The following IGFBP7 variants were observed in gnomAD, a reference collection of about 807,000 sequenced individuals.
The protein encoded by IGFBP7 is insulin-like growth factor-binding protein 7.
A neutral mutation model predicts 29.4 loss-of-function variants in IGFBP7; 31 were observed. That is an observed-to-expected ratio of 1.05 (90% CI 0.79 to 1.42). IGFBP7 has a LOEUF of 1.42. Among genes scored for constraint, IGFBP7 ranks in the 40% most tolerant of loss-of-function variants. The pLI, the probability that IGFBP7 is intolerant of heterozygous loss-of-function variation, is 0.00. For missense variants in IGFBP7, 393 were observed against 395.5 expected (o/e 0.99, Z 0.05); for synonymous variants, 172 against 174.9 (o/e 0.98, Z 0.13).
chr4:57,079,970 G>A (rs2109785161), intron 1 of IGFBP7, among the ~76,000 whole-genome samples: 1 of 152,260 alleles, frequency 6.6e-6, no homozygotes. Flanking sequence ...GGCTTTGAGA[G>A]GTTAAATAAC....
rs80202477 is a variant in IGFBP7 at position 57,070,793 on chromosome 4, T to G, written c.476-29860A>C. ...AACTGGCCGCAGGGGTAATGAGCAT[T>G]GGATACAAGGGATGTTCAGTGCATT... is the stretch of plus-strand genomic sequence containing the variant. On this transcript the variant is annotated intron_variant, in intron 1 of 4. Transcript: ENST00000295666. 3.3e-4 allele frequency among the ~76,000 whole-genome samples: 51 copies of G among 152,340 alleles called. No homozygotes were observed. In the East Asian group the frequency reaches 9.4e-3, roughly 28 times the overall value.
intron 1 of IGFBP7, among the ~76,000 whole-genome samples, chr4:57,051,347 G>T (rs1183124916): frequency 2.6e-5 from 4 of 152,200 alleles, no homozygotes; most frequent in African/African-American, 9.6e-5. Flanking sequence ...CGGTCTCAGG[G>T]GTACTGGCTG....
At chr4:57,108,616 A>G (rs1326475597) in intron 1 of IGFBP7, among the ~76,000 whole-genome samples, 1 of 151,480 alleles carries the variant, frequency 6.6e-6, no homozygotes, top group Non-Finnish European at 1.5e-5. Context: ...ATCTCGGCTC[A>G]CTGCAACCTC....
chr4:57,078,006 T>C (rs185636326), intron 1 of IGFBP7, among the ~76,000 whole-genome samples: 2 of 152,316 alleles, frequency 1.3e-5, no homozygotes, highest in Non-Finnish European at 2.9e-5. Flanking sequence ...TTTGTTTCCT[T>C]GGTTAAGGGG....
At chr4:57,063,567 C>A (rs1040582805) in intron 1 of IGFBP7, among the ~76,000 whole-genome samples, 2 of 152,182 alleles carry the variant, frequency 1.3e-5, no homozygotes, top group African/African-American at 4.8e-5. Context: ...TGTTGCAGAT[C>A]ATTGAAAAGA....
intron 1 of IGFBP7, among the ~76,000 whole-genome samples, chr4:57,047,765 TTC>T (rs893990485): frequency 2.6e-5 from 4 of 152,204 alleles, no homozygotes; most frequent in African/African-American, 7.2e-5. Flanking sequence ...AGACTGGGTC[TTC>T]TCTGTCACTC....
chr4:57,097,785 G>A (rs1439821062), intron 1 of IGFBP7, among the ~76,000 whole-genome samples: 1 of 152,098 alleles, frequency 6.6e-6, no homozygotes, highest in African/African-American at 2.4e-5. Context: ...TGACCCAGGT[G>A]GTCTGACTCC....
chr4:57,081,374 T>C (rs1238363401), intron 1 of IGFBP7, among the ~76,000 whole-genome samples: 3 of 152,070 alleles, frequency 2.0e-5, no homozygotes, highest in Non-Finnish European at 2.9e-5. Context: ...AATGCTTAGA[T>C]TTACCCCCCA....
intron 1 of IGFBP7, among the ~76,000 whole-genome samples, chr4:57,082,004 G>A (rs751264144): frequency 6.6e-6 from 1 of 152,092 alleles, no homozygotes; most frequent in Non-Finnish European, 1.5e-5. Context: ...TTGTAGAACC[G>A]ACTCGGGGAT....
chr4:57,073,979 C>A (rs1725130501), intron 1 of IGFBP7, among the ~76,000 whole-genome samples: 1 of 152,212 alleles, frequency 6.6e-6, no homozygotes, highest in Non-Finnish European at 1.5e-5. Flanking sequence ...AGCCACTGTC[C>A]TGGCACCAGC....
At chr4:57,033,425 ACC>A in intron 2 of IGFBP7, 114 bp from the exon 3 acceptor site, 1 of 782,484 alleles carries the variant, frequency 1.3e-6, no homozygotes, top group South Asian at 1.4e-5. Context: ...AACAGAGTAA[ACC>A]CAGCATTTCA....
At chr4:57,048,058 CTT>C (rs113555035) in intron 1 of IGFBP7, among the ~76,000 whole-genome samples, 2 of 144,584 alleles carry the variant, frequency 1.4e-5, no homozygotes, top group African/African-American at 2.6e-5. Context: ...CTCCGCCCCC[CTT>C]TTTTTTTTTG....
chr4:57,044,691 G>A (rs1178424213), intron 1 of IGFBP7, among the ~76,000 whole-genome samples: 8 of 149,702 alleles, frequency 5.3e-5, no homozygotes, highest in Non-Finnish European at 1.2e-4. Flanking sequence ...TCTATTTCTG[G>A]ACTCTCTGTT....
At chr4:57,081,844 A>G (rs930959014) in intron 1 of IGFBP7, among the ~76,000 whole-genome samples, 1 of 152,186 alleles carries the variant, frequency 6.6e-6, no homozygotes, top group Non-Finnish European at 1.5e-5. Flanking sequence ...TCAGAGTTCT[A>G]TTCTGGCTCC....
rs57704332 is a variant in IGFBP7, at chr4:57,084,788, G to GTTTTTTTTTTTTTTTTTTTTTTT, written c.475+25088_475+25089insAAAAAAAAAAAAAAAAAAAAAAA. Among the ~76,000 whole-genome samples, 5 of 113,092 alleles carry GTTTTTTTTTTTTTTTTTTTTTTT rather than the reference G, an allele frequency of 4.4e-5. 2 individuals carry two copies. Among genetic ancestry groups the GTTTTTTTTTTTTTTTTTTTTTTT allele is most frequent in the African/African-American group, 6.9e-5 (2 of 29,140 alleles). 74.2% of individuals were successfully genotyped at this position (113,092 alleles called of 152,430 possible). A position where few individuals can be genotyped will look rare whatever the true frequency, so the allele number is the denominator to read the frequency against. ...CTTTTTACTCAGATGTTTAAAAAAGGTTTTTTTTTTTTTTTTTTTTGGGAC... is the reference window on the plus strand; with the variant it reads ...CTTTTTACTCAGATGTTTAAAAAAGGTTTTTTTTTTTTTTTTTTTTTTTTTTTTTTTTTTTTTTTTTTTGGGAC... On this transcript the variant is annotated intron_variant, in intron 1 of 4. Transcript: ENST00000295666.
intron 1 of IGFBP7, among the ~76,000 whole-genome samples, chr4:57,107,882 G>C (rs1370233239): frequency 6.6e-6 from 1 of 152,184 alleles, no homozygotes; most frequent in African/African-American, 2.4e-5. Flanking sequence ...GTGAGTGTTT[G>C]GTGATGTAAG....
At chr4:57,061,911 C>T (rs969818385) in intron 1 of IGFBP7, among the ~76,000 whole-genome samples, 10 of 152,160 alleles carry the variant, frequency 6.6e-5, no homozygotes, top group African/African-American at 2.4e-4. Flanking sequence ...GATCCTCCTG[C>T]CTCGGCCTCC....
intron 1 of IGFBP7, among the ~76,000 whole-genome samples, chr4:57,076,736 G>C (rs1005597791): frequency 2.6e-5 from 4 of 152,230 alleles, no homozygotes; most frequent in African/African-American, 9.7e-5. Context: ...TTGAAGGGAA[G>C]CCATGTCAGA....
At chr4:57,099,976 A>T (rs1324539662) in intron 1 of IGFBP7, among the ~76,000 whole-genome samples, 1 of 151,686 alleles carries the variant, frequency 6.6e-6, no homozygotes, top group Non-Finnish European at 1.5e-5. Context: ...GTCTCAAGGG[A>T]TCCTCTGCAT....
Sources: allele counts gnomAD v4.1 joint callset (sites outside exome capture counted in the v4.1 genomes callset), GRCh38; gene constraint gnomAD v4.1.1; transcripts MANE v1.5; gene names NCBI Gene and HGNC (gene_info 2026-07-23, HGNC 2026-07-21).